The following BRAT1 variants were observed in gnomAD, a reference collection of about 807,000 sequenced individuals.
BRAT1 encodes the protein BRCA1 associated ATM activator 1.
In BRAT1, 74 loss-of-function variants were observed where a neutral mutation model predicts 70.6. The observed-to-expected ratio is 1.05, with a 90% CI of 0.87 to 1.27. BRAT1 has a LOEUF of 1.27. Ranked by LOEUF, BRAT1 falls within the 50% of genes most tolerant of loss-of-function variation. The pLI is 0.00. For synonymous variants in BRAT1, 615 were observed against 517.1 expected (o/e 1.19, Z -2.57); for missense variants, 1,203 against 1,098.2 (o/e 1.10, Z -1.35).
chr7:2,554,498 T>C (rs1185605448), intron 1 of BRAT1, 51 bp from the exon 2 acceptor site: 4 of 1,547,186 alleles, frequency 2.6e-6, no homozygotes, highest in Non-Finnish European at 3.5e-6. Flanking sequence ...CAGACCCAGC[T>C]CGCTCTAGTC....
In BRAT1 at chr7:2,538,325, C is replaced by T. The variant is rs780485844; in HGVS notation, c.2210G>A (p.Arg737Gln). 1.2e-5 allele frequency: 19 copies of T among 1,612,978 alleles called. No individual in the cohort carries two copies. Among genetic ancestry groups the T allele is most frequent in the Admixed American group, 5.0e-5 (3 of 60,012 alleles). ...AGTGTTGGGGCTGCCCCTGGCCTCC[C>T]GCAGGCTGCTGTAGGAAGCAATCTT... ...RDKIASYSSL[R>Q]EARGSPNTAS... Residue 737 changes from arginine (R) to glutamine (Q), a missense_variant, in exon 14 of 14, where the codon CGG becomes CAG. Physicochemically the swap from Arg to Gln is conservative, Grantham distance 43. Coordinates refer to ENST00000340611, the MANE Select transcript of BRAT1 (RefSeq NM_152743.4).
intron 2 of BRAT1, among the ~76,000 whole-genome samples, chr7:2,548,697 T>C (rs1425563476): frequency 6.7e-6 from 1 of 148,828 alleles, no homozygotes; most frequent in African/African-American, 2.5e-5. Flanking sequence ...GCGTGGTGGC[T>C]CACGCCTGTA....
At chr7:2,541,194 GAGA>G in intron 9 of BRAT1, 101 bp downstream of exon 9, 1 of 581,862 alleles carries the variant, frequency 1.7e-6, no homozygotes, top group Non-Finnish European at 2.7e-6. Flanking sequence ...CCCCACCCCA[GAGA>G]AGAAACAGAG....
chr7:2,554,918 G>A (rs371149923), intron 1 of BRAT1, among the ~76,000 whole-genome samples: 79 of 152,276 alleles, frequency 5.2e-4, no homozygotes, highest in African/African-American at 1.7e-3. Flanking sequence ...TTGACGTCCT[G>A]AAGCCAGCAG....
At position 2,545,091 on chromosome 7, in the gene BRAT1, C is replaced by T. The variant is rs1187857727; in HGVS notation, c.283-35G>A. 1.3e-5 allele frequency: 19 copies of T among 1,459,028 alleles called. No individual in the cohort carries two copies. In the South Asian group the frequency reaches 1.4e-4, roughly 11 times the overall value. The allele number at this position is 1,459,028 out of a possible 1,614,324, so 90.4% of individuals were successfully genotyped here. A position where few individuals can be genotyped will look rare whatever the true frequency, so the allele number is the denominator to read the frequency against. On this transcript the variant is annotated intron_variant, in intron 3 of 13. Transcript: ENST00000340611. ...AAAAAAAGAAGTGAGGGTGGCCAGG[C>T]GCAGTGGCTGAAGCCTGTAATCCCA...
Position 2,538,756 on chromosome 7 carries a change from G to C in BRAT1, c.1779C>G (p.Phe593Leu), listed in dbSNP as rs773345466. 6.3e-7 allele frequency: 1 copy of C among 1,598,346 alleles called. No individual in the cohort carries two copies. The highest frequency in any genetic ancestry group is 8.5e-7 in the Non-Finnish European group (1 of 1,179,854). Residue 593 changes from phenylalanine to leucine, a missense_variant, in exon 14 of 14, where the codon TTC becomes TTG. Transcript: ENST00000340611. ...PEHAEARQSL[F>L]LELLHILSVD... is the part of the protein sequence containing the mutation. ...CGGAGAGGATGTGCAGGAGCTCCAG[G>C]AACAGGCTCTGGGGGACAGGGAGCA... is the stretch of plus-strand genomic sequence containing the variant.
chr7:2,538,340 G>A lies in BRAT1; in HGVS notation c.2195C>T (p.Ser732Phe), dbSNP rs759384531. ...CCTGGCCTCCCGCAGGCTGCTGTAG[G>A]AAGCAATCTTGTCCCTCAGGAAGAG... ...LLLFLRDKIA[S>F]YSSLREARGS... Residue 732 changes from serine (S) to phenylalanine (F), a missense_variant, in exon 14 of 14, where the codon TCC becomes TTC. Coordinates refer to ENST00000340611, the MANE Select transcript of BRAT1 (RefSeq NM_152743.4). 6.2e-7 allele frequency: 1 copy of A among 1,613,252 alleles called. No homozygotes were observed. Among genetic ancestry groups the A allele is most frequent in the East Asian group, 2.2e-5 (1 of 44,880 alleles).
chr7:2,541,412 C>T lies in BRAT1; in HGVS notation c.1207G>A (p.Gly403Ser), dbSNP rs779837588. Reference protein sequence around the residue: ...ATVTVLRLCDGSAAPASSVGG... With the variant: ...ATVTVLRLCDSSAAPASSVGG... ...ACACTGGAGGCAGGGGCAGCCGAGCCGTCACAGAGCCGCAGGACAGTCACT... is the reference window on the plus strand; with the variant it reads ...ACACTGGAGGCAGGGGCAGCCGAGCTGTCACAGAGCCGCAGGACAGTCACT... The change falls in exon 9 of 14, where the codon GGC becomes AGC. Residue 403 changes from glycine (G) to serine (S), a missense_variant. Coordinates refer to ENST00000340611, the MANE Select transcript of BRAT1 (RefSeq NM_152743.4). 1.2e-4 allele frequency: 189 copies of T among 1,596,540 alleles called. No homozygotes were observed. The highest frequency in any genetic ancestry group is 1.5e-4 in the Non-Finnish European group (177 of 1,173,280).
chr7:2,541,215 G>A, intron 9 of BRAT1, 83 bp downstream of exon 9: 2 of 1,457,546 alleles, frequency 1.4e-6, no homozygotes, highest in Non-Finnish European at 1.8e-6. Flanking sequence ...GAGAGGGACA[G>A]CAGTTCCCGG....
intron 2 of BRAT1, 52 bp downstream of exon 2, chr7:2,554,253 C>G (rs1780246161): frequency 6.2e-7 from 1 of 1,600,676 alleles, no homozygotes; most frequent in Non-Finnish European, 8.5e-7. Context: ...CCTGTCCCAG[C>G]CTCTGCGTCT....
rs532286733 is a variant in BRAT1, at chr7:2,545,982, A to G, written c.283-926T>C. Among the ~76,000 whole-genome samples the G allele has an allele frequency of 1.8e-3, 270 of 152,354 alleles. 2 individuals carry two copies. Among genetic ancestry groups the G allele is most frequent in the Middle Eastern group, 0.01 (3 of 294 alleles). ...AACGGTACTGGATGTGCCTTCGCAC[A>G]ACCTGGCGAGGGCCTGTGAGGCACC... On this transcript the variant is annotated intron_variant, in intron 3 of 13. Coordinates refer to ENST00000340611, the MANE Select transcript of BRAT1 (RefSeq NM_152743.4).
chr7:2,541,704 C>T lies in BRAT1; in HGVS notation c.1134+14G>A, dbSNP rs372235478. 1.7e-3 allele frequency: 2,756 copies of T among 1,598,426 alleles called. 7 individuals carry two copies. Among genetic ancestry groups the T allele is most frequent in the Non-Finnish European group, 2.0e-3 (2,365 of 1,174,016 alleles). ...GGATGCTGCTGGGCTGCATGAGGACCGGGCCGCACCTACCAGCGGCTGCAG... is the reference window on the plus strand; with the variant it reads ...GGATGCTGCTGGGCTGCATGAGGACTGGGCCGCACCTACCAGCGGCTGCAG... On this transcript the variant is annotated intron_variant, in intron 8 of 13. Coordinates refer to ENST00000340611, the MANE Select transcript of BRAT1 (RefSeq NM_152743.4).
intron 10 of BRAT1, 96 bp downstream of exon 10, chr7:2,540,883 A>G: frequency 8.1e-7 from 1 of 1,238,548 alleles, no homozygotes; most frequent in Non-Finnish European, 1.1e-6. Flanking sequence ...TGAAGGCCCC[A>G]TCCGCAGAGG....
In BRAT1 at chr7:2,544,252, G is replaced by T. The variant is rs560289072; in HGVS notation, c.431-290C>A. 17 of 266,496 alleles carry T rather than the reference G, an allele frequency of 6.4e-5. No individual in the cohort carries two copies. In the South Asian group the frequency reaches 2.0e-3, roughly 32 times the overall value. 16.5% of individuals were successfully genotyped at this position (266,496 alleles called of 1,614,324 possible). A position where few individuals can be genotyped will look rare whatever the true frequency, so the allele number is the denominator to read the frequency against. On this transcript the variant is annotated intron_variant, in intron 4 of 13. Coordinates refer to ENST00000340611, the MANE Select transcript of BRAT1 (RefSeq NM_152743.4). The stretch of plus-strand genomic sequence containing the variant: ...GAGTCTTGTTCTGTTGCCCAGGGTG[G>T]AGTACAATGGTGCGATCTCAGTTCA...
chr7:2,554,526 C>T (rs746720675), intron 1 of BRAT1, 79 bp from the exon 2 acceptor site: 7 of 1,470,464 alleles, frequency 4.8e-6, no homozygotes, highest in Non-Finnish European at 6.3e-6. Context: ...CCCACCATGC[C>T]TGCTCAGGCC....
At chr7:2,554,481 C>T in intron 1 of BRAT1, 34 bp from the exon 2 acceptor site, 7 of 1,587,644 alleles carry the variant, frequency 4.4e-6, no homozygotes, top group Non-Finnish European at 5.1e-6. Context: ...AACCTCAATG[C>T]CCACTCCAGA....
rs188163691 is a variant in BRAT1, at chr7:2,540,657, T to G, written c.1395+322A>C. 3.1e-3 allele frequency: 926 copies of G among 302,114 alleles called. 9 individuals are homozygous for G. Among genetic ancestry groups the G allele is most frequent in the African/African-American group, 0.019 (856 of 46,230 alleles). 18.7% of individuals were successfully genotyped at this position (302,114 alleles called of 1,614,324 possible). On this transcript the variant is annotated intron_variant, in intron 10 of 13. Coordinates refer to ENST00000340611, the MANE Select transcript of BRAT1 (RefSeq NM_152743.4). Reference sequence around the variant, plus strand: ...AGTAGGCACATTCACAAATGGCGCTTAGGAGAACCCAAAGCCCACGCCCAG... The same window carrying G: ...AGTAGGCACATTCACAAATGGCGCTGAGGAGAACCCAAAGCCCACGCCCAG...
intron 8 of BRAT1, 114 bp downstream of exon 8, chr7:2,541,604 T>A: frequency 6.9e-7 from 1 of 1,446,008 alleles, no homozygotes; most frequent in Non-Finnish European, 9.3e-7. Flanking sequence ...GTCCCACTGC[T>A]GGCGTGGATG....
intron 2 of BRAT1, among the ~76,000 whole-genome samples, chr7:2,549,995 C>T (rs902910731): frequency 9.3e-5 from 14 of 150,778 alleles, no homozygotes; most frequent in South Asian, 4.2e-4. Context: ...ACCCCGTCTC[C>T]GCAAAAAAAT....
Sources: gnomAD v4.1 joint callset for allele counts (sites outside exome capture counted in the v4.1 genomes callset) on GRCh38, gnomAD v4.1.1 for gene constraint, MANE v1.5 for transcripts, NCBI Gene and HGNC (gene_info 2026-07-23, HGNC 2026-07-21) for gene names.